The following UGT2B10 variants were observed in gnomAD, a reference collection of about 807,000 sequenced individuals.
The protein encoded by UGT2B10 is UDP glucuronosyltransferase family 2 member B10.
A neutral mutation model predicts 43.7 loss-of-function variants in UGT2B10; 51 were observed. The ratio of observed to expected loss-of-function variants is 1.17; its 90% confidence interval spans 0.93 to 1.47. UGT2B10 has a LOEUF of 1.47. Among genes scored for constraint, UGT2B10 ranks in the 40% most tolerant of loss-of-function variants. UGT2B10 has a pLI of 0.00. For missense variants in UGT2B10, 696 were observed against 617.7 expected, an observed-to-expected ratio of 1.13 and a Z score of -1.34; for synonymous variants, 225 against 209.0, an observed-to-expected ratio of 1.08 and a Z score of -0.66.
At chr4:68,816,809 CCATAAAGT>C (rs1459828002) in intron 1 of UGT2B10, 72 bp downstream of exon 1, 8 of 1,290,366 alleles carry the variant, frequency 6.2e-6, no homozygotes, top group Non-Finnish European at 8.5e-6. Flanking sequence ...TTGCATAAAG[CCATAAAGT>C]CAGGGAAGTG....
At chr4:68,817,133 G>A (rs1338552455) in intron 1 of UGT2B10, among the ~76,000 whole-genome samples, 2 of 151,736 alleles carry the variant, frequency 1.3e-5, no homozygotes, top group Non-Finnish European at 3.0e-5. Flanking sequence ...TATAACTGCA[G>A]AAATTTTTCC....
At chr4:68,824,712 A>G (rs1389679671) in intron 3 of UGT2B10, among the ~76,000 whole-genome samples, 1 of 152,156 alleles carries the variant, frequency 6.6e-6, no homozygotes, top group African/African-American at 2.4e-5. Context: ...TGGAGTTTCA[A>G]AATTAGTAAC....
intron 4 of UGT2B10, 71 bp downstream of exon 4, chr4:68,826,568 G>A (rs1215316256): frequency 6.7e-6 from 10 of 1,495,478 alleles, no homozygotes; most frequent in African/African-American, 2.9e-5. Context: ...TCATCTCGAA[G>A]CATGCTTATT....
Position 68,831,410 on chromosome 4 carries a change from T to C in UGT2B10, c.*531T>C, listed in dbSNP as rs149115021. On this transcript the variant is annotated 3_prime_UTR_variant, in exon 6 of 6. Coordinates refer to ENST00000265403, the MANE Select transcript of UGT2B10 (RefSeq NM_001075.6). ...AACTTTACAAAATGAGATTTTTATA[T>C]AAGAATGATTCAAATGTTCAGGGAT... Among the ~76,000 whole-genome samples, 1,044 of 152,202 alleles carry C rather than the reference T, an allele frequency of 6.9e-3. 23 individuals are homozygous for C. Among genetic ancestry groups the C allele is most frequent in the South Asian group, 0.059 (284 of 4,822 alleles).
At chr4:68,828,966 A>T (rs1737938812) in intron 5 of UGT2B10, among the ~76,000 whole-genome samples, 1 of 152,024 alleles carries the variant, frequency 6.6e-6, no homozygotes, top group African/African-American at 2.4e-5. Flanking sequence ...TAAAGTCAAG[A>T]AGTAAATCAT....
chr4:68,816,652 A>C lies in UGT2B10; in HGVS notation c.633A>C (p.Lys211Asn). The change falls in exon 1 of 6, where the codon AAA becomes AAC. Residue 211 changes from lysine to asparagine, a missense_variant. Coordinates refer to ENST00000265403, the MANE Select transcript of UGT2B10 (RefSeq NM_001075.6). ...SDQMTFMERVKNMLYVLYFDF... is the reference protein window; with the variant it reads ...SDQMTFMERVNNMLYVLYFDF... ...AAATGACTTTCATGGAGAGGGTAAA[A>C]AATATGCTCTATGTGCTTTATTTTG... 1 of 1,612,734 alleles carries C rather than the reference A, an allele frequency of 6.2e-7. No homozygotes were observed. The highest frequency in any genetic ancestry group is 1.1e-5 in the South Asian group (1 of 91,034).
chr4:68,830,527 C>G, intron 5 of UGT2B10, 73 bp from the exon 6 acceptor site: 2 of 1,481,864 alleles, frequency 1.3e-6, no homozygotes, highest in Non-Finnish European at 1.8e-6. Context: ...ACTTTAAAAG[C>G]CTTTCATAGA....
At chr4:68,822,692 A>T (rs899744671) in intron 3 of UGT2B10, among the ~76,000 whole-genome samples, 1 of 152,116 alleles carries the variant, frequency 6.6e-6, no homozygotes, top group Non-Finnish European at 1.5e-5. Flanking sequence ...TGAGACCCAC[A>T]ATTACTTTTA....
intron 5 of UGT2B10, 120 bp downstream of exon 5, chr4:68,827,668 C>G (rs921163088): frequency 6.8e-6 from 10 of 1,473,290 alleles, no homozygotes; most frequent in Non-Finnish European, 9.1e-6. Flanking sequence ...AATGATTTAA[C>G]CAATCCGAAA....
At position 68,830,957 on chromosome 4, in the gene UGT2B10, C is replaced by T; in HGVS notation, c.*78C>T. ...GATTCCAGCAATAAATATTGTGATG[C>T]AAGATTTCTTTCTTCCTGTGACAAA... On this transcript the variant is annotated 3_prime_UTR_variant, in exon 6 of 6. Transcript: ENST00000265403. The T allele has an allele frequency of 1.3e-6, 2 of 1,501,298 alleles. No homozygotes were observed. Among genetic ancestry groups the T allele is most frequent in the Non-Finnish European group, 1.8e-6 (2 of 1,119,374 alleles). The allele number at this position is 1,501,298 out of a possible 1,614,324, so 93.0% of individuals were successfully genotyped here. A position where few individuals can be genotyped will look rare whatever the true frequency, so the allele number is the denominator to read the frequency against.
At chr4:68,826,148 T>C (rs143121040) in intron 3 of UGT2B10, among the ~76,000 whole-genome samples, 7 of 152,248 alleles carry the variant, frequency 4.6e-5, no homozygotes, top group Non-Finnish European at 7.4e-5. Flanking sequence ...TTTTAAAAAG[T>C]ATAAAAATTT....
rs1239750668 is a variant in UGT2B10 at position 68,831,002 on chromosome 4, T to A, written c.*123T>A. 1 of 1,347,294 alleles carries A rather than the reference T, an allele frequency of 7.4e-7. No homozygotes were observed. The highest frequency in any genetic ancestry group is 1.0e-6 in the Non-Finnish European group (1 of 999,482). 83.5% of individuals were successfully genotyped at this position (1,347,294 alleles called of 1,614,324 possible). Reference sequence around the variant, plus strand: ...GACAAAAAAAAATCCTTTCGAAGTCTACCTTGTCAAGTAAAAATTTGTTTT... The same window carrying A: ...GACAAAAAAAAATCCTTTCGAAGTCAACCTTGTCAAGTAAAAATTTGTTTT... On this transcript the variant is annotated 3_prime_UTR_variant, in exon 6 of 6. Transcript: ENST00000265403.
rs1383639715 is a variant in UGT2B10 at position 68,831,527 on chromosome 4, C to T, written c.*648C>T. Among the ~76,000 whole-genome samples the T allele has an allele frequency of 2.6e-5, 4 of 151,862 alleles. No homozygotes were observed. Among genetic ancestry groups the T allele is most frequent in the African/African-American group, 9.7e-5 (4 of 41,382 alleles). On this transcript the variant is annotated 3_prime_UTR_variant, in exon 6 of 6. Coordinates refer to ENST00000265403, the MANE Select transcript of UGT2B10 (RefSeq NM_001075.6). Reference sequence around the variant, plus strand: ...TATTCTTGAAATCAGAAATGTGCTCCCTAATTATATGAAATGTTGTTTGAT... The same window carrying T: ...TATTCTTGAAATCAGAAATGTGCTCTCTAATTATATGAAATGTTGTTTGAT...
intron 1 of UGT2B10, among the ~76,000 whole-genome samples, chr4:68,817,163 T>A (rs1185915439): frequency 6.6e-6 from 1 of 151,848 alleles, no homozygotes; most frequent in African/African-American, 2.4e-5. Flanking sequence ...TCAGTTGTCT[T>A]ATTTAGAAAT....
Position 68,819,463 on chromosome 4 carries a change from A to C in UGT2B10, c.867+1286A>C, listed in dbSNP as rs1737386839. Among the ~76,000 whole-genome samples, 3 of 151,996 alleles carry C rather than the reference A, an allele frequency of 2.0e-5. 1 individual carries two copies. The South Asian group carries it at 6.2e-4, about 31-fold the overall frequency. ...CTTCACCAGTATTCCAGCTTAAAAC[A>C]CTTCCTCAACAATATAAATGTGTGC... On this transcript the variant is annotated intron_variant, in intron 2 of 5. Coordinates refer to ENST00000265403, the MANE Select transcript of UGT2B10 (RefSeq NM_001075.6).
chr4:68,821,562 A>G (rs916547654), intron 2 of UGT2B10, among the ~76,000 whole-genome samples: 5 of 152,196 alleles, frequency 3.3e-5, no homozygotes, highest in Admixed American at 2.0e-4. Flanking sequence ...AAACTGTACA[A>G]TTCTGTATTA....
chr4:68,824,251 G>A (rs1737656435), intron 3 of UGT2B10, among the ~76,000 whole-genome samples: 1 of 152,232 alleles, frequency 6.6e-6, no homozygotes, highest in Non-Finnish European at 1.5e-5. Flanking sequence ...TTTAGAGAAA[G>A]AGAAAAAGCA....
chr4:68,816,493 G>A lies in UGT2B10; in HGVS notation c.474G>A (p.Leu158=), dbSNP rs1258348516. The change falls in exon 1 of 6, where the codon CTG becomes CTA. Residue 158 remains leucine, a synonymous_variant. Coordinates refer to ENST00000265403, the MANE Select transcript of UGT2B10 (RefSeq NM_001075.6). ...FADAYLPCGE[L]LAELFNIPFV... is the part of the protein sequence containing the mutation. ...ATGCTTATTTACCCTGTGGTGAGCT[G>A]CTGGCTGAGCTATTTAACATACCCT... 2.5e-6 allele frequency: 4 copies of A among 1,613,232 alleles called. No individual in the cohort carries two copies. The highest frequency in any genetic ancestry group is 3.4e-6 in the Non-Finnish European group (4 of 1,179,436).
intron 4 of UGT2B10, 26 bp downstream of exon 4, chr4:68,826,523 A>T: frequency 6.3e-7 from 1 of 1,598,180 alleles, no homozygotes; most frequent in Non-Finnish European, 8.5e-7. Flanking sequence ...ACAATACTGG[A>T]TATATTAGTA....
Sources: allele counts gnomAD v4.1 joint callset (sites outside exome capture counted in the v4.1 genomes callset), GRCh38; gene constraint gnomAD v4.1.1; transcripts MANE v1.5; gene names NCBI Gene and HGNC (gene_info 2026-07-23, HGNC 2026-07-21).